SCFD2: variants seen among roughly 807,000 people sequenced by gnomAD.
The protein encoded by SCFD2 is sec1 family domain containing 2, also known as sec1 family domain-containing protein 2.
SCFD2 carries 54 observed loss-of-function variants against 58.9 expected under a neutral mutation model. The observed-to-expected ratio is 0.92, with a 90% confidence interval of 0.74 to 1.15. The LOEUF (loss-of-function observed/expected upper bound fraction) is 1.15. Among genes scored for constraint, SCFD2 ranks in the 50% most tolerant of loss-of-function variants. SCFD2 has a pLI of 0.00. For missense variants in SCFD2, 805 were observed against 836.6 expected (o/e 0.96, Z 0.47); for synonymous variants, 321 against 335.9 (o/e 0.96, Z 0.49).
chr4:53,326,019 G>A (rs1733184421), intron 2 of SCFD2, among the ~76,000 whole-genome samples: 1 of 152,154 alleles, frequency 6.6e-6, no homozygotes, highest in African/African-American at 2.4e-5. Flanking sequence ...GTCTTAGACT[G>A]TCTATAATTA....
At chr4:53,038,697 T>G (rs1722823568) in intron 5 of SCFD2, among the ~76,000 whole-genome samples, 1 of 151,640 alleles carries the variant, frequency 6.6e-6, no homozygotes, top group East Asian at 1.9e-4. Flanking sequence ...GTTTTTTGTT[T>G]TTTTTTTTTT....
chr4:53,352,785 T>C lies in SCFD2; in HGVS notation c.839-19A>G, dbSNP rs1340755292. 1 of 1,594,128 alleles carries C rather than the reference T, an allele frequency of 6.3e-7. No homozygotes were observed. Among genetic ancestry groups the C allele is most frequent in the East Asian group, 2.3e-5 (1 of 44,402 alleles). On this transcript the variant is annotated intron_variant, in intron 1 of 8. Coordinates refer to ENST00000401642, the MANE Select transcript of SCFD2 (RefSeq NM_152540.4). ...ACTGCTCCTGTTTAAGCAGACAAGA[T>C]GATGTAAATTCATAAAATGGGAGGA...
chr4:53,352,782 AGAT>A lies in SCFD2; in HGVS notation c.839-19_839-17del. 1 of 1,599,456 alleles carries A rather than the reference AGAT, an allele frequency of 6.3e-7. No individual in the cohort carries two copies. The highest frequency in any genetic ancestry group is 8.6e-7 in the Non-Finnish European group (1 of 1,168,700). ...CCAACTGCTCCTGTTTAAGCAGACAAGATGATGTAAATTCATAAAATGGGAGGA... is the reference window on the plus strand; with the variant it reads ...CCAACTGCTCCTGTTTAAGCAGACAAGATGTAAATTCATAAAATGGGAGGA... On this transcript the variant is annotated splice_polypyrimidine_tract_variant and intron_variant, in intron 1 of 8. Coordinates refer to ENST00000401642, the MANE Select transcript of SCFD2 (RefSeq NM_152540.4).
chr4:53,050,041 A>G (rs919121165), intron 5 of SCFD2, among the ~76,000 whole-genome samples: 6 of 152,224 alleles, frequency 3.9e-5, no homozygotes, highest in Admixed American at 2.0e-4. Flanking sequence ...AAATATTTTG[A>G]TATGTGTACA....
chr4:53,057,231 C>T (rs1723369003), intron 5 of SCFD2, among the ~76,000 whole-genome samples: 1 of 152,142 alleles, frequency 6.6e-6, no homozygotes, highest in Middle Eastern at 3.4e-3. Flanking sequence ...TGCAGGACTC[C>T]CGTACTAGCA....
chr4:53,282,516 C>T (rs958746433), intron 3 of SCFD2, among the ~76,000 whole-genome samples: 1 of 151,980 alleles, frequency 6.6e-6, no homozygotes, highest in Admixed American at 6.6e-5. Flanking sequence ...TAAAATTCCC[C>T]CCTTAAAGTA....
rs1218359019 is a variant in SCFD2 at position 53,139,683 on chromosome 4, G to A, written c.1561+5650C>T. Among the ~76,000 whole-genome samples the A allele has an allele frequency of 3.3e-5, 5 of 151,736 alleles. 1 individual carries two copies. The highest frequency in any genetic ancestry group is 2.0e-4 in the Admixed American group (3 of 15,246). ...TGGGAAGTGAGGAGCCCCTCTGCCC[G>A]GCCGCCACCCCATCTGGGAGGTGTA... On this transcript the variant is annotated intron_variant, in intron 5 of 8. Coordinates refer to ENST00000401642, the MANE Select transcript of SCFD2 (RefSeq NM_152540.4).
intron 4 of SCFD2, among the ~76,000 whole-genome samples, chr4:53,254,802 A>G (rs1253223198): frequency 7.4e-6 from 1 of 134,546 alleles, no homozygotes; most frequent in East Asian, 2.2e-4. Flanking sequence ...TGTTTATTTT[A>G]TTTTTTTATT....
At chr4:53,071,177 G>A (rs1374515148) in intron 5 of SCFD2, among the ~76,000 whole-genome samples, 1 of 152,158 alleles carries the variant, frequency 6.6e-6, no homozygotes, top group Non-Finnish European at 1.5e-5. Flanking sequence ...CATAGGCTTA[G>A]TGAAGTAAAA....
At chr4:52,940,030 G>A (rs1417255284) in intron 5 of SCFD2, among the ~76,000 whole-genome samples, 1 of 152,226 alleles carries the variant, frequency 6.6e-6, no homozygotes, top group Non-Finnish European at 1.5e-5. Flanking sequence ...TCCCTCTAGG[G>A]CAGCTGGCAC....
chr4:53,014,783 C>A (rs761576031), intron 5 of SCFD2, among the ~76,000 whole-genome samples: 2 of 152,120 alleles, frequency 1.3e-5, no homozygotes, highest in Non-Finnish European at 2.9e-5. Context: ...GTGGGATATA[C>A]CTCAATTCTT....
chr4:53,054,638 AAAAG>A (rs537318539), intron 5 of SCFD2, among the ~76,000 whole-genome samples: 162 of 151,956 alleles, frequency 1.1e-3, no homozygotes, highest in African/African-American at 3.7e-3. Flanking sequence ...AGAAAAAAAA[AAAAG>A]AGTTTTTTTT....
At chr4:53,015,658 T>C (rs191040343) in intron 5 of SCFD2, among the ~76,000 whole-genome samples, 1 of 152,310 alleles carries the variant, frequency 6.6e-6, no homozygotes, top group East Asian at 1.9e-4. Context: ...AACACATATC[T>C]ATGTGTTCCT....
intron 5 of SCFD2, among the ~76,000 whole-genome samples, chr4:52,947,878 A>G (rs1382573105): frequency 6.6e-6 from 1 of 151,858 alleles, no homozygotes; most frequent in Non-Finnish European, 1.5e-5. Context: ...TATTTGTAAC[A>G]TAAAACCAAC....
At chr4:53,126,072 A>C (rs774021115) in intron 5 of SCFD2, among the ~76,000 whole-genome samples, 5 of 152,166 alleles carry the variant, frequency 3.3e-5, no homozygotes, top group Non-Finnish European at 5.9e-5. Flanking sequence ...GTTGAAGTTG[A>C]GCTAAAACTA....
chr4:52,897,088 C>A (rs1317360124), intron 7 of SCFD2, among the ~76,000 whole-genome samples: 3 of 152,192 alleles, frequency 2.0e-5, no homozygotes, highest in Non-Finnish European at 2.9e-5. Flanking sequence ...GATATACAAT[C>A]ATGTCATCTG....
At chr4:53,176,947 C>CAAA (rs3064988) in intron 4 of SCFD2, among the ~76,000 whole-genome samples, 1 of 124,706 alleles carries the variant, frequency 8.0e-6, no homozygotes, top group Non-Finnish European at 1.7e-5. Context: ...ACAACAATCT[C>CAAA]AAAAAAAAAA....
intron 5 of SCFD2, among the ~76,000 whole-genome samples, chr4:52,952,422 A>G (rs908698345): frequency 1.3e-5 from 2 of 152,078 alleles, no homozygotes; most frequent in African/African-American, 4.8e-5. Context: ...CTCCAAGGGA[A>G]TGAATAGCTT....
intron 5 of SCFD2, among the ~76,000 whole-genome samples, chr4:53,027,531 A>G (rs943309038): frequency 2.0e-5 from 3 of 152,234 alleles, no homozygotes; most frequent in African/African-American, 7.2e-5. Flanking sequence ...ATATACATAT[A>G]TTTAATAAAA....
Sources: allele counts gnomAD v4.1 joint callset (sites outside exome capture counted in the v4.1 genomes callset), GRCh38; gene constraint gnomAD v4.1.1; transcripts MANE v1.5; gene names NCBI Gene and HGNC (gene_info 2026-07-23, HGNC 2026-07-21).